The following TPX2 variants were observed in gnomAD, a reference collection of about 807,000 sequenced individuals.
The protein encoded by TPX2 is targeting protein for Xklp2.
Under a neutral mutation model 93.6 loss-of-function variants are expected in TPX2, and 21 were observed. That is an observed-to-expected ratio of 0.22 (90% CI 0.16 to 0.32). TPX2 has a LOEUF of 0.32. Ranked by LOEUF, TPX2 falls within the 10% of genes least tolerant of loss-of-function variation. The pLI, the probability that TPX2 is intolerant of heterozygous loss-of-function variation, is 1.00. For synonymous variants in TPX2, 281 were observed against 298.3 expected (o/e 0.94, Z 0.60); for missense variants, 776 against 871.1 (o/e 0.89, Z 1.37).
intron 12 of TPX2, among the ~76,000 whole-genome samples, chr20:31,784,953 A>G (rs900395809): frequency 2.0e-5 from 3 of 152,186 alleles, no homozygotes; most frequent in African/African-American, 7.2e-5. Context: ...CTGTTTTCCT[A>G]TCTTCTTTCT....
intron 12 of TPX2, among the ~76,000 whole-genome samples, chr20:31,786,672 A>G (rs1471134928): frequency 6.6e-6 from 1 of 152,188 alleles, no homozygotes; most frequent in Non-Finnish European, 1.5e-5. Context: ...CCAAAGTGCT[A>G]GGATAGTAGG....
At chr20:31,799,483 A>G (rs1247248818) in intron 17 of TPX2, among the ~76,000 whole-genome samples, 2 of 152,246 alleles carry the variant, frequency 1.3e-5, no homozygotes, top group East Asian at 3.8e-4. Flanking sequence ...TCACACTACA[A>G]TGTTAATTAG....
Position 31,776,238 on chromosome 20 carries a change from G to A in TPX2, c.730+250G>A, listed in dbSNP as rs531836724. Among the ~76,000 whole-genome samples the A allele has an allele frequency of 1.3e-4, 20 of 150,896 alleles. No individual in the cohort carries two copies. In the East Asian group the frequency reaches 2.9e-3, roughly 22 times the overall value. Reference sequence around the variant, plus strand: ...TGGGACTACAGGCGCCCGCCACCGCGCCCGGCTAATTTTTTGTATTTTTAG... The same window carrying A: ...TGGGACTACAGGCGCCCGCCACCGCACCCGGCTAATTTTTTGTATTTTTAG... On this transcript the variant is annotated intron_variant, in intron 8 of 17. Transcript: ENST00000300403.
Position 31,782,240 on chromosome 20 carries a change from T to A in TPX2, c.1055-9T>A. ...GATCTAGATGAACATCTGTCATCTC[T>A]GTTTACAGACCTGTTACCCTCCAAA... On this transcript the variant is annotated splice_polypyrimidine_tract_variant and intron_variant, in intron 10 of 17. Coordinates refer to ENST00000300403, the MANE Select transcript of TPX2 (RefSeq NM_012112.5). 6.2e-7 allele frequency: 1 copy of A among 1,602,294 alleles called. No homozygotes were observed. The highest frequency in any genetic ancestry group is 8.5e-7 in the Non-Finnish European group (1 of 1,175,350).
At chr20:31,742,018 A>T (rs1261857710) in intron 1 of TPX2, among the ~76,000 whole-genome samples, 1 of 152,290 alleles carries the variant, frequency 6.6e-6, no homozygotes, top group African/African-American at 2.4e-5. Context: ...AAGGATAGAT[A>T]ACTGCGGAGG....
chr20:31,743,732 T>TG (rs575656841), intron 2 of TPX2, among the ~76,000 whole-genome samples: 5 of 151,148 alleles, frequency 3.3e-5, no homozygotes, highest in South Asian at 4.2e-4. Context: ...TGCAGTTTTT[T>TG]TTTTTTTTTT....
At chr20:31,749,135 A>G (rs892448965) in intron 2 of TPX2, among the ~76,000 whole-genome samples, 1 of 151,892 alleles carries the variant, frequency 6.6e-6, no homozygotes, top group Non-Finnish European at 1.5e-5. Flanking sequence ...TTTAGTAGAG[A>G]CGGGGTTTCA....
In TPX2 at chr20:31,740,885, G is replaced by A. The variant is rs1600345826; in HGVS notation, c.-178+1264G>A. Among the ~76,000 whole-genome samples the A allele has an allele frequency of 1.3e-5, 2 of 152,202 alleles. 1 individual carries two copies. Among genetic ancestry groups the A allele is most frequent in the Non-Finnish European group, 2.9e-5 (2 of 68,042 alleles). The stretch of plus-strand genomic sequence containing the variant: ...ACCCACTAAATACCTGTTGAATTGA[G>A]TAGGCAGGAAGGCACTATCTGAATT... On this transcript the variant is annotated intron_variant, in intron 1 of 17. Transcript: ENST00000300403.
chr20:31,775,437 G>A (rs907549400), intron 7 of TPX2, among the ~76,000 whole-genome samples: 5 of 151,376 alleles, frequency 3.3e-5, no homozygotes, highest in East Asian at 2.0e-4. Context: ...GTGCAGTGGC[G>A]TGATCTTGGC....
intron 4 of TPX2, 132 bp from the exon 5 acceptor site, chr20:31,766,424 C>G: frequency 1.0e-6 from 1 of 993,772 alleles, no homozygotes; most frequent in Non-Finnish European, 1.4e-6. Flanking sequence ...TAAGATTTAA[C>G]TGGAACTAAG....
intron 12 of TPX2, among the ~76,000 whole-genome samples, chr20:31,788,799 A>G (rs1307416829): frequency 6.6e-6 from 1 of 152,178 alleles, no homozygotes; most frequent in Admixed American, 6.5e-5. Context: ...ACGGAGGTGG[A>G]TGTGGTGTCA....
chr20:31,791,705 C>A (rs1397723747), intron 12 of TPX2, among the ~76,000 whole-genome samples: 1 of 152,148 alleles, frequency 6.6e-6, no homozygotes, highest in Non-Finnish European at 1.5e-5. Flanking sequence ...AGGAGACTAG[C>A]AGAATGGCAC....
At chr20:31,740,058 T>C (rs1359204792) in intron 1 of TPX2, among the ~76,000 whole-genome samples, 1 of 152,208 alleles carries the variant, frequency 6.6e-6, no homozygotes, top group Non-Finnish European at 1.5e-5. Context: ...TCACCAGATA[T>C]TATTCCCTTT....
chr20:31,770,304 A>G (rs1251081906), intron 5 of TPX2, 39 bp from the exon 6 acceptor site: 2 of 1,383,904 alleles, frequency 1.4e-6, no homozygotes. Context: ...TCTGTAGTAT[A>G]TATATTTATT....
At chr20:31,782,092 A>G (rs147662053) in intron 10 of TPX2, among the ~76,000 whole-genome samples, 157 bp from the exon 11 acceptor site, 65 of 152,320 alleles carry the variant, frequency 4.3e-4, no homozygotes, top group African/African-American at 1.5e-3. Flanking sequence ...AAGTAACTGA[A>G]TGTTGGTTGG....
At chr20:31,752,008 G>T (rs2061823305) in intron 2 of TPX2, among the ~76,000 whole-genome samples, 1 of 152,174 alleles carries the variant, frequency 6.6e-6, no homozygotes. Context: ...CTTCCAAAGT[G>T]TTGGGATTAC....
intron 12 of TPX2, among the ~76,000 whole-genome samples, chr20:31,791,327 A>G (rs946666206): frequency 6.6e-6 from 1 of 152,186 alleles, no homozygotes; most frequent in Non-Finnish European, 1.5e-5. Context: ...TCTGTCGCCC[A>G]GGCTGGAGTG....
At position 31,783,690 on chromosome 20, in the gene TPX2, AT is replaced by A. The variant is rs2062048383; in HGVS notation, c.1197-11del. 1 of 1,579,494 alleles carries A rather than the reference AT, an allele frequency of 6.3e-7. No individual in the cohort carries two copies. Among genetic ancestry groups the A allele is most frequent in the Non-Finnish European group, 8.5e-7 (1 of 1,171,796 alleles). The stretch of plus-strand genomic sequence containing the variant: ...TAAAATTTTTTTTGTGGTTATTTAA[AT>A]TTTCACCTTACAGATACAAATTCAA... On this transcript the variant is annotated splice_polypyrimidine_tract_variant and intron_variant, in intron 11 of 17. Transcript: ENST00000300403.
At chr20:31,747,728 G>C (rs1373636734) in intron 2 of TPX2, among the ~76,000 whole-genome samples, 1 of 150,408 alleles carries the variant, frequency 6.6e-6, no homozygotes, top group Non-Finnish European at 1.5e-5. Flanking sequence ...CTCTTGCTTG[G>C]CAACTTGATT....
Sources: allele counts gnomAD v4.1 joint callset (sites outside exome capture counted in the v4.1 genomes callset), GRCh38; gene constraint gnomAD v4.1.1; transcripts MANE v1.5; gene names NCBI Gene and HGNC (gene_info 2026-07-23, HGNC 2026-07-21).